The following ATP11A variants were observed in gnomAD, a reference collection of about 807,000 sequenced individuals.
ATP11A encodes the protein phospholipid-transporting ATPase IH.
ATP11A carries 81 observed loss-of-function variants against 154.4 expected under a neutral mutation model. The ratio of observed to expected loss-of-function variants is 0.52; its 90% confidence interval spans 0.44 to 0.63. The LOEUF (loss-of-function observed/expected upper bound fraction) is 0.63, where lower values mean the gene tolerates loss of function less well. ATP11A is among the 30% of genes least tolerant of loss of function. The probability of loss-of-function intolerance (pLI) is 0.00; values close to 1 mark genes in which losing one functional copy is unlikely to be tolerated. For missense variants in ATP11A, 1,316 were observed against 1,474.3 expected, an observed-to-expected ratio of 0.89 and a Z score of 1.76; for synonymous variants, 623 against 585.9, an observed-to-expected ratio of 1.06 and a Z score of -0.91.
intron 1 of ATP11A, among the ~76,000 whole-genome samples, chr13:112,781,871 G>A (rs1297874939): frequency 6.6e-6 from 1 of 151,454 alleles, no homozygotes; most frequent in Admixed American, 6.6e-5. Context: ...AACCTGAAGA[G>A]ACATGTATGT....
intron 17 of ATP11A, among the ~76,000 whole-genome samples, chr13:112,843,148 G>A (rs1183566935): frequency 6.6e-6 from 1 of 151,968 alleles, no homozygotes; most frequent in East Asian, 1.9e-4. Flanking sequence ...TCTCCCGTCA[G>A]ATGTCCTAAC....
At chr13:112,780,301 C>T (rs1238240401) in intron 1 of ATP11A, among the ~76,000 whole-genome samples, 1 of 152,126 alleles carries the variant, frequency 6.6e-6, no homozygotes, top group Non-Finnish European at 1.5e-5. Flanking sequence ...AGGCGGTCGG[C>T]AGCCACCACC....
At chr13:112,823,591 C>G (rs1225174583) in intron 9 of ATP11A, among the ~76,000 whole-genome samples, 182 bp downstream of exon 9, 1 of 152,236 alleles carries the variant, frequency 6.6e-6, no homozygotes, top group East Asian at 1.9e-4. Flanking sequence ...CCTGAAGCAG[C>G]AGCATCAGAG....
intron 1 of ATP11A, among the ~76,000 whole-genome samples, chr13:112,718,915 G>C (rs1219647432): frequency 6.6e-6 from 1 of 152,068 alleles, no homozygotes; most frequent in African/African-American, 2.4e-5. Flanking sequence ...TCTGACCTCC[G>C]GCTATCCACC....
In ATP11A at chr13:112,731,994, GCCT is replaced by G. The variant is rs376455429; in HGVS notation, c.39+41542_39+41544del. 1.7e-3 allele frequency among the ~76,000 whole-genome samples: 256 copies of G among 152,108 alleles called. 2 individuals carry two copies. Among genetic ancestry groups the G allele is most frequent in the South Asian group, 8.9e-3 (43 of 4,822 alleles). ...GGGAAGGCATAGCGTGCGGGCACTGGCCTCCCCAGGTGAGACAGTGGCCCGCAG... is the reference window on the plus strand; with the variant it reads ...GGGAAGGCATAGCGTGCGGGCACTGGCCCCAGGTGAGACAGTGGCCCGCAG... On this transcript the variant is annotated intron_variant, in intron 1 of 29. Transcript: ENST00000375645.
At chr13:112,853,248 A>C (rs9324214) in intron 18 of ATP11A, among the ~76,000 whole-genome samples, 103,128 of 150,942 alleles carry the variant, frequency 0.68, 35,790 homozygotes, top group African/African-American at 0.82. Context: ...CTCTCTCTCT[A>C]TATATATATA....
chr13:112,872,127 T>C (rs2080543214), intron 26 of ATP11A, among the ~76,000 whole-genome samples: 1 of 152,222 alleles, frequency 6.6e-6, no homozygotes, highest in African/African-American at 2.4e-5. Context: ...CCCAGCGCCA[T>C]CAAAATACAC....
chr13:112,857,918 T>C lies in ATP11A; in HGVS notation c.2519T>C (p.Ile840Thr). 1.2e-6 allele frequency: 2 copies of C among 1,614,020 alleles called. No individual in the cohort carries two copies. Among genetic ancestry groups the C allele is most frequent in the Non-Finnish European group, 1.7e-6 (2 of 1,179,854 alleles). Residue 840 changes from isoleucine (I) to threonine (T), a missense_variant and splice_region_variant, in exon 21 of 30, where the codon ATA (isoleucine) becomes ACA (threonine). Around this residue, in one of 5 missense-constraint regions of ATP11A, gnomAD observed 876 missense variants for 1,006.8 expected, o/e 0.87. Coordinates refer to ENST00000375645, the MANE Select transcript of ATP11A (RefSeq NM_015205.3). ...VSMILEAHVG[I>T]GVIGKEGRQA... ...ATGATTCTGGAAGCGCACGTGGGCA[T>C]AGGTGAGCTTCGTCCTTGCTGCTGG...
intron 16 of ATP11A, among the ~76,000 whole-genome samples, chr13:112,841,009 C>T (rs1451226861): frequency 1.3e-5 from 2 of 152,268 alleles, no homozygotes; most frequent in Non-Finnish European, 2.9e-5. Context: ...GCTTCCTACG[C>T]GTGCCGCTCA....
intron 2 of ATP11A, among the ~76,000 whole-genome samples, chr13:112,794,441 T>C (rs1410699824): frequency 1.3e-5 from 2 of 152,216 alleles, no homozygotes; most frequent in Non-Finnish European, 2.9e-5. Context: ...TTCACTTTTC[T>C]TGTTAGACAT....
At chr13:112,828,140 A>G (rs366531) in intron 12 of ATP11A, among the ~76,000 whole-genome samples, 4,524 of 19,500 alleles carry the variant, frequency 0.23, 83 homozygotes, top group African/African-American at 0.31. Context: ...AGCGTTGAGT[A>G]GGGGGGAAAG....
chr13:112,721,598 G>A (rs1384175251), intron 1 of ATP11A, among the ~76,000 whole-genome samples: 1 of 152,194 alleles, frequency 6.6e-6, no homozygotes, highest in Non-Finnish European at 1.5e-5. Context: ...GAACGTGGAA[G>A]CCAGGAGTGA....
intron 1 of ATP11A, among the ~76,000 whole-genome samples, chr13:112,718,303 A>C (rs1888725576): frequency 6.6e-6 from 1 of 152,178 alleles, no homozygotes; most frequent in African/African-American, 2.4e-5. Context: ...AACAATTTTA[A>C]ATTTCTTTTC....
At chr13:112,800,256 G>T (rs1012211392) in intron 2 of ATP11A, among the ~76,000 whole-genome samples, 6 of 151,620 alleles carry the variant, frequency 4.0e-5, no homozygotes, top group African/African-American at 1.5e-4. Flanking sequence ...CTTTAGCCAG[G>T]CTAAACAAGA....
intron 8 of ATP11A, among the ~76,000 whole-genome samples, chr13:112,821,839 C>T (rs756389506): frequency 1.8e-4 from 28 of 152,120 alleles, no homozygotes; most frequent in Admixed American, 5.9e-4. Context: ...TGTTTGTTTT[C>T]GTAAACACAT....
chr13:112,865,846 C>T (rs2080313968), intron 25 of ATP11A, among the ~76,000 whole-genome samples: 1 of 152,252 alleles, frequency 6.6e-6, no homozygotes, highest in Admixed American at 6.5e-5. Context: ...CCACCATGCA[C>T]GGCCAGCCTG....
rs570853699 is a variant in ATP11A at position 112,882,842 on chromosome 13, C to T, written c.*976C>T. ...GCTGTGATGAGCAGACATCCTCTGT[C>T]CCCGTGGAGGGGTCAACACCAAGGT... On this transcript the variant is annotated 3_prime_UTR_variant, in exon 30 of 30. Coordinates refer to ENST00000375645, the MANE Select transcript of ATP11A (RefSeq NM_015205.3). The surrounding 1 kb of genome is among the most constrained non-coding windows in gnomAD (Gnocchi z 5.1). 2.5e-6 allele frequency: 1 copy of T among 399,062 alleles called. No homozygotes were observed. The highest frequency in any genetic ancestry group is 3.6e-5 in the East Asian group (1 of 28,064). 24.7% of individuals were successfully genotyped at this position (399,062 alleles called of 1,614,324 possible).
At position 112,793,825 on chromosome 13, in the gene ATP11A, C is replaced by T. The variant is rs561073677; in HGVS notation, c.162+8568C>T. On this transcript the variant is annotated intron_variant, in intron 2 of 29. Coordinates refer to ENST00000375645, the MANE Select transcript of ATP11A (RefSeq NM_015205.3). ...ACAGTGCCCGGGTTCGTCTCGCAGC[C>T]AGAGGCCAGAGGCAGGCCAGGTGAG... 2.8e-4 allele frequency among the ~76,000 whole-genome samples: 42 copies of T among 152,354 alleles called. 1 individual carries two copies. The South Asian group carries it at 8.1e-3, about 29-fold the overall frequency.
At chr13:112,705,302 C>T (rs534610865) in intron 1 of ATP11A, among the ~76,000 whole-genome samples, 4 of 152,238 alleles carry the variant, frequency 2.6e-5, no homozygotes, top group South Asian at 2.1e-4. Flanking sequence ...TGCAGGCCCT[C>T]GGCAGCGAAT....
Sources: gnomAD v4.1 joint callset for allele counts (sites outside exome capture counted in the v4.1 genomes callset) on GRCh38, gnomAD v4.1.1 for gene constraint, gnomAD v4.1.1 regional missense constraint, Gnocchi (gnomAD v3.1) non-coding constraint, MANE v1.5 for transcripts, NCBI Gene and HGNC (gene_info 2026-07-23, HGNC 2026-07-21) for gene names.